The following LDLRAD4 variants were observed in gnomAD, a reference collection of about 807,000 sequenced individuals.
LDLRAD4 encodes low-density lipoprotein receptor class A domain-containing protein 4.
In LDLRAD4, 5 loss-of-function variants were observed where a neutral mutation model predicts 17.0. The observed-to-expected ratio is 0.29, with a 90% CI of 0.15 to 0.62. The LOEUF is 0.62. LDLRAD4 is among the 20% of genes least tolerant of loss of function. The pLI is 0.84. For missense variants in LDLRAD4, 340 were observed against 424.7 expected, an observed-to-expected ratio of 0.80 and a Z score of 1.75; for synonymous variants, 168 against 171.8, an observed-to-expected ratio of 0.98 and a Z score of 0.17.
At chr18:13,630,751 T>C (rs2041590609) in intron 4 of LDLRAD4, among the ~76,000 whole-genome samples, 1 of 152,196 alleles carries the variant, frequency 6.6e-6, no homozygotes. Flanking sequence ...CAGTAAGAAA[T>C]ACATTTTATA....
At chr18:13,377,656 A>G (rs2085023910) in intron 1 of LDLRAD4, among the ~76,000 whole-genome samples, 1 of 152,178 alleles carries the variant, frequency 6.6e-6, no homozygotes, top group African/African-American at 2.4e-5. Context: ...GGAAAGTGGG[A>G]CTTCCCCTAC....
At chr18:13,309,474 TTGTC>T (rs2047106999) in intron 1 of LDLRAD4, among the ~76,000 whole-genome samples, 1 of 152,238 alleles carries the variant, frequency 6.6e-6, no homozygotes, top group Non-Finnish European at 1.5e-5. Flanking sequence ...AGAATTGTTT[TTGTC>T]TGTGTGAGTT....
intron 2 of LDLRAD4, among the ~76,000 whole-genome samples, chr18:13,408,387 A>G (rs1028653773): frequency 1.3e-5 from 2 of 148,154 alleles, no homozygotes; most frequent in Non-Finnish European, 3.0e-5. Flanking sequence ...AAAAAAAAAA[A>G]AAAAAGGTGA....
intron 3 of LDLRAD4, among the ~76,000 whole-genome samples, chr18:13,506,855 A>T (rs971696516): frequency 6.6e-6 from 1 of 152,236 alleles, no homozygotes; most frequent in African/African-American, 2.4e-5. Context: ...CATGGCACTC[A>T]TCTGTCATTT....
chr18:13,234,970 G>A (rs1356832032), intron 1 of LDLRAD4: 1 of 152,050 alleles, frequency 6.6e-6, no homozygotes, highest in Admixed American at 6.5e-5. Flanking sequence ...ATCAGATTAG[G>A]TTGGCACGGT....
At chr18:13,613,080 G>T in intron 3 of LDLRAD4, 1 of 229,454 alleles carries the variant, frequency 4.4e-6, no homozygotes, top group Non-Finnish European at 8.5e-6. Context: ...CTGTATATAA[G>T]GCTGAGACCT....
chr18:13,575,754 A>T (rs779126682), intron 3 of LDLRAD4, among the ~76,000 whole-genome samples: 3 of 152,070 alleles, frequency 2.0e-5, no homozygotes, highest in Admixed American at 6.5e-5. Context: ...TGATTTTTGG[A>T]TTAAGGCCAT....
intron 3 of LDLRAD4, among the ~76,000 whole-genome samples, chr18:13,556,548 C>T (rs1204918104): frequency 1.3e-5 from 2 of 152,122 alleles, no homozygotes; most frequent in Non-Finnish European, 2.9e-5. Context: ...GATCAAATAA[C>T]CACATAGACC....
intron 1 of LDLRAD4, among the ~76,000 whole-genome samples, chr18:13,257,375 T>C (rs983052703): frequency 6.6e-6 from 1 of 152,252 alleles, no homozygotes; most frequent in Non-Finnish European, 1.5e-5. Flanking sequence ...CAGAATTCAG[T>C]GCCAGTCCTT....
chr18:13,420,545 A>G (rs996237026), intron 2 of LDLRAD4: 17 of 152,262 alleles, frequency 1.1e-4, no homozygotes, highest in African/African-American at 3.9e-4. Context: ...TCTTACTGCC[A>G]TTTTAAGCAT....
chr18:13,641,903 G>A, intron 4 of LDLRAD4: 2 of 985,548 alleles, frequency 2.0e-6, no homozygotes, highest in Non-Finnish European at 2.4e-6. Flanking sequence ...CCCGCAGATG[G>A]ACCTGGCGGC....
At chr18:13,249,342 TG>T (rs2043120229) in intron 1 of LDLRAD4, among the ~76,000 whole-genome samples, 1 of 152,204 alleles carries the variant, frequency 6.6e-6, no homozygotes, top group African/African-American at 2.4e-5. Flanking sequence ...CTGTAGTGAC[TG>T]TACCAGCTTA....
At chr18:13,495,672 GAATAGATT>G (rs918532893) in intron 3 of LDLRAD4, among the ~76,000 whole-genome samples, 4 of 152,072 alleles carry the variant, frequency 2.6e-5, no homozygotes, top group African/African-American at 9.7e-5. Flanking sequence ...GATGGCTCAG[GAATAGATT>G]AATAGACTCA....
intron 1 of LDLRAD4, among the ~76,000 whole-genome samples, chr18:13,348,659 T>C (rs2082848885): frequency 6.6e-6 from 1 of 152,176 alleles, no homozygotes; most frequent in South Asian, 2.1e-4. Flanking sequence ...GGCTATGCCC[T>C]GCCCCCAGAG....
chr18:13,289,268 A>G (rs953047969), intron 1 of LDLRAD4, among the ~76,000 whole-genome samples: 7 of 152,224 alleles, frequency 4.6e-5, no homozygotes, highest in African/African-American at 1.7e-4. Flanking sequence ...CTTAAATCAC[A>G]TCATATTCAC....
chr18:13,342,477 C>CTTTTTTTTTTTTTTTTTTTTT (rs10706515), intron 1 of LDLRAD4, among the ~76,000 whole-genome samples: 1 of 38,668 alleles, frequency 2.6e-5, no homozygotes, highest in Non-Finnish European at 4.7e-5. Context: ...GCCTTCCTGT[C>CTTTTTTTTTTTTTTTTTTTTT]TTTTTTTTTT....
chr18:13,412,511 C>T (rs956903117), intron 2 of LDLRAD4, among the ~76,000 whole-genome samples: 13 of 152,202 alleles, frequency 8.5e-5, no homozygotes, highest in African/African-American at 3.1e-4. Context: ...ATTCACTTCT[C>T]TCTCATCCAT....
intron 3 of LDLRAD4, among the ~76,000 whole-genome samples, chr18:13,458,124 C>A (rs1012769029): frequency 2.0e-5 from 3 of 152,114 alleles, no homozygotes; most frequent in Admixed American, 2.0e-4. Context: ...AAGACTACAG[C>A]CTGCAGAACG....
upstream of LDLRAD4, among the ~76,000 whole-genome samples, chr18:13,274,042 A>T (rs1050940410): frequency 2.0e-5 from 3 of 151,922 alleles, no homozygotes; most frequent in African/African-American, 7.3e-5. Context: ...GCGTGTGAGG[A>T]GCTCAGCCAG....
Sources: gnomAD v4.1 joint callset for allele counts (sites outside exome capture counted in the v4.1 genomes callset) on GRCh38, gnomAD v4.1.1 for gene constraint, MANE v1.5 for transcripts, NCBI Gene and HGNC (gene_info 2026-07-23, HGNC 2026-07-21) for gene names.